CHD6: variants seen among roughly 807,000 people sequenced by gnomAD.
CHD6 encodes chromodomain helicase DNA binding protein 6.
In CHD6, 50 loss-of-function variants were observed where a neutral mutation model predicts 276.9. That is an observed-to-expected ratio of 0.18 (90% CI 0.14 to 0.23). CHD6 has a LOEUF of 0.23. CHD6 is among the 10% of genes least tolerant of loss of function. The pLI is 1.00. For missense variants in CHD6, 2,564 were observed against 3,365.8 expected, an observed-to-expected ratio of 0.76 and a Z score of 5.89; for synonymous variants, 1,173 against 1,229.3, an observed-to-expected ratio of 0.95 and a Z score of 0.96.
At chr20:41,587,966 C>G (rs2045614153) in intron 1 of CHD6, among the ~76,000 whole-genome samples, 1 of 151,990 alleles carries the variant, frequency 6.6e-6, no homozygotes, top group Non-Finnish European at 1.5e-5. Flanking sequence ...CTGGAGGAGC[C>G]ATGAGGGAGG....
At chr20:41,499,170 C>A in intron 6 of CHD6, 125 bp downstream of exon 6, 1 of 655,330 alleles carries the variant, frequency 1.5e-6, no homozygotes, top group Non-Finnish European at 2.5e-6. Flanking sequence ...GCTAGCCAGA[C>A]AATATTCTTG....
At chr20:41,419,550 GTC>G (rs1277593270) in intron 31 of CHD6, among the ~76,000 whole-genome samples, 1 of 52,488 alleles carries the variant, frequency 1.9e-5, no homozygotes, top group South Asian at 7.4e-4. Context: ...GCAAGACTCT[GTC>G]TCAAAAAAAA....
intron 34 of CHD6, chr20:41,414,605 A>G (rs1185463417): frequency 1.0e-5 from 2 of 191,992 alleles, no homozygotes; most frequent in African/African-American, 4.7e-5. Flanking sequence ...ACGGTTTCTG[A>G]CCTTTTCTGT....
At position 41,416,584 on chromosome 20, in the gene CHD6, T is replaced by G; in HGVS notation, c.6486+4A>C. 1 of 1,608,842 alleles carries G rather than the reference T, an allele frequency of 6.2e-7. No individual in the cohort carries two copies. The highest frequency in any genetic ancestry group is 8.5e-7 in the Non-Finnish European group (1 of 1,177,666). On this transcript the variant is annotated splice_donor_region_variant and intron_variant, in intron 33 of 36. Coordinates refer to ENST00000373233, the MANE Select transcript of CHD6 (RefSeq NM_032221.5). Reference sequence around the variant, plus strand: ...TTGTGGTCACTCCATTCTTGCCGGCTCACCTTGTGGATCTGGGCCGCCAAT... The same window carrying G: ...TTGTGGTCACTCCATTCTTGCCGGCGCACCTTGTGGATCTGGGCCGCCAAT...
intron 3 of CHD6, among the ~76,000 whole-genome samples, chr20:41,523,636 GT>G (rs2044457687): frequency 6.7e-6 from 1 of 149,508 alleles, no homozygotes; most frequent in Non-Finnish European, 1.5e-5. Context: ...GAAAAAACGT[GT>G]TTTTTGTTTT....
intron 4 of CHD6, 129 bp downstream of exon 4, chr20:41,514,676 A>G (rs1197722929): frequency 9.5e-7 from 1 of 1,051,246 alleles, no homozygotes; most frequent in Non-Finnish European, 1.4e-6. Flanking sequence ...CACCCACCAA[A>G]ACGGTAAAAG....
At chr20:41,415,669 G>C (rs2046974467) in intron 33 of CHD6, 31 bp from the exon 34 acceptor site, 1 of 1,490,648 alleles carries the variant, frequency 6.7e-7, no homozygotes, top group Non-Finnish European at 9.0e-7. Context: ...AGAGAGGTCT[G>C]AATGTCACAC....
chr20:41,519,140 G>A (rs919395894), intron 3 of CHD6, among the ~76,000 whole-genome samples: 3 of 152,136 alleles, frequency 2.0e-5, no homozygotes, highest in African/African-American at 2.4e-5. Flanking sequence ...AAAATTAGCC[G>A]GGCATGGTGG....
chr20:41,609,838 CT>C (rs986404870), intron 1 of CHD6, among the ~76,000 whole-genome samples: 5 of 146,466 alleles, frequency 3.4e-5, no homozygotes, highest in Admixed American at 6.8e-5. Flanking sequence ...TCTGTGTTTC[CT>C]TTTTTTTTCT....
At chr20:41,549,602 C>A (rs2045113399) in intron 2 of CHD6, among the ~76,000 whole-genome samples, 1 of 149,626 alleles carries the variant, frequency 6.7e-6, no homozygotes, top group Non-Finnish European at 1.5e-5. Context: ...ATGTAACAAA[C>A]CTGCACATTG....
intron 15 of CHD6, 97 bp from the exon 16 acceptor site, chr20:41,483,616 T>G: frequency 1.1e-6 from 1 of 899,798 alleles, no homozygotes; most frequent in Non-Finnish European, 1.7e-6. Context: ...AGTGAATTCT[T>G]AGGTCCTAGA....
chr20:41,415,292 C>G lies in CHD6; in HGVS notation c.6833G>C (p.Arg2278Thr). The change falls in exon 34 of 37, where the codon AGA becomes ACA. Residue 2278 changes from arginine to threonine, a missense_variant. Arg to Thr is a moderately conservative substitution (Grantham distance 71, BLOSUM62 -1). This residue lies in a region of CHD6 where 1,024 missense variants were observed against 1,047.9 expected (regional missense o/e 0.98). Transcript: ENST00000373233. ...CCTCCTCGTGGCTGCATCATCTCTT[C>G]TGAGGCTTCCATTGACAATCTGTCC... is the stretch of plus-strand genomic sequence containing the variant. Reference protein sequence around the residue: ...VTGQIVNGSLRRDDAATRRRR... With the variant: ...VTGQIVNGSLTRDDAATRRRR... 1 of 1,614,240 alleles carries G rather than the reference C, an allele frequency of 6.2e-7. No individual in the cohort carries two copies.
intron 2 of CHD6, among the ~76,000 whole-genome samples, chr20:41,539,652 T>C (rs541714207): frequency 6.6e-6 from 1 of 152,308 alleles, no homozygotes; most frequent in South Asian, 2.1e-4. Context: ...AAAACAATAC[T>C]AAAATTTTAA....
intron 18 of CHD6, 103 bp from the exon 19 acceptor site, chr20:41,456,082 T>G: frequency 8.8e-7 from 1 of 1,130,220 alleles, no homozygotes; most frequent in Non-Finnish European, 1.2e-6. Context: ...CTCCATGAAC[T>G]ACATGTTAGA....
chr20:41,469,595 T>C (rs576836737), intron 17 of CHD6, among the ~76,000 whole-genome samples: 4 of 152,350 alleles, frequency 2.6e-5, no homozygotes, highest in South Asian at 4.1e-4. Context: ...TTAGGTGTTA[T>C]GGGAAACCTA....
At chr20:41,577,437 T>C (rs928125451) in intron 1 of CHD6, among the ~76,000 whole-genome samples, 1 of 152,200 alleles carries the variant, frequency 6.6e-6, no homozygotes, top group Non-Finnish European at 1.5e-5. Flanking sequence ...TTCTCTTGAT[T>C]TTTCCATCTA....
At chr20:41,454,139 G>GC (rs1308243879) in intron 20 of CHD6, among the ~76,000 whole-genome samples, 2 of 152,166 alleles carry the variant, frequency 1.3e-5, no homozygotes, top group African/African-American at 4.8e-5. Flanking sequence ...GGGGTCAAAA[G>GC]CTTCATCCGA....
At chr20:41,583,969 A>G (rs988243017) in intron 1 of CHD6, among the ~76,000 whole-genome samples, 3 of 152,146 alleles carry the variant, frequency 2.0e-5, no homozygotes, top group Non-Finnish European at 1.5e-5. Context: ...GAAACAGGTT[A>G]GAGACAAATA....
At chr20:41,461,471 C>CA (rs2048545827) in intron 17 of CHD6, among the ~76,000 whole-genome samples, 1 of 152,254 alleles carries the variant, frequency 6.6e-6, no homozygotes, top group African/African-American at 2.4e-5. Context: ...ATGCAATTCT[C>CA]ACGATAGTTA....
Sources: allele counts gnomAD v4.1 joint callset (sites outside exome capture counted in the v4.1 genomes callset), GRCh38; gene constraint gnomAD v4.1.1; regional missense constraint gnomAD v4.1.1; transcripts MANE v1.5; gene names NCBI Gene and HGNC (gene_info 2026-07-23, HGNC 2026-07-21).